Variants in PAK5 observed in about 807,000 individuals in gnomAD.
PAK5 encodes the protein p21 (RAC1) activated kinase 5.
In PAK5, 16 loss-of-function variants were observed where a neutral mutation model predicts 65.9. The ratio of observed to expected loss-of-function variants is 0.24; its 90% CI spans 0.16 to 0.37. The LOEUF (loss-of-function observed/expected upper bound fraction) is 0.37, where lower values mean the gene tolerates loss of function less well. Ranked by LOEUF, PAK5 falls within the 10% of genes least tolerant of loss-of-function variation. The pLI, the probability that PAK5 is intolerant of heterozygous loss-of-function variation, is 1.00. For missense variants in PAK5, 785 were observed against 903.9 expected (o/e 0.87, Z 1.69); for synonymous variants, 371 against 354.9 (o/e 1.05, Z -0.51).
At chr20:9,600,875 A>T (rs567304673) in intron 3 of PAK5, among the ~76,000 whole-genome samples, 2 of 152,288 alleles carry the variant, frequency 1.3e-5, no homozygotes, top group African/African-American at 4.8e-5. Flanking sequence ...GCATGGCTCA[A>T]AGGACCTTCT....
At chr20:9,643,409 T>C (rs1157710979) in intron 3 of PAK5, among the ~76,000 whole-genome samples, 8 of 152,338 alleles carry the variant, frequency 5.3e-5, no homozygotes, top group Non-Finnish European at 1.2e-4. Flanking sequence ...TGGGTCTGCT[T>C]TCTGCTTACA....
At chr20:9,746,869 C>A (rs2048514219) in intron 1 of PAK5, among the ~76,000 whole-genome samples, 1 of 151,996 alleles carries the variant, frequency 6.6e-6, no homozygotes, top group Non-Finnish European at 1.5e-5. Flanking sequence ...ACACGAAAAA[C>A]CCTTCAAAAA....
At chr20:9,733,105 G>A (rs2048351226) in intron 1 of PAK5, among the ~76,000 whole-genome samples, 1 of 152,144 alleles carries the variant, frequency 6.6e-6, no homozygotes, top group South Asian at 2.1e-4. Flanking sequence ...ACTGGCTAGG[G>A]ACTGGATAGT....
chr20:9,653,156 T>C (rs2047222723), intron 2 of PAK5, among the ~76,000 whole-genome samples: 1 of 152,182 alleles, frequency 6.6e-6, no homozygotes, highest in African/African-American at 2.4e-5. Flanking sequence ...TTTAAATTTA[T>C]TCATTTCCAC....
chr20:9,762,095 C>A (rs553903072), intron 1 of PAK5, among the ~76,000 whole-genome samples: 1 of 152,146 alleles, frequency 6.6e-6, no homozygotes, highest in South Asian at 2.1e-4. Flanking sequence ...TTCTCTTACA[C>A]CACACACAAA....
intron 1 of PAK5, among the ~76,000 whole-genome samples, chr20:9,777,764 T>C (rs2048901793): frequency 1.3e-5 from 2 of 152,228 alleles, no homozygotes; most frequent in Admixed American, 1.3e-4. Flanking sequence ...GCATGGGCTA[T>C]GCCAGGGTCA....
intron 1 of PAK5, among the ~76,000 whole-genome samples, chr20:9,796,609 G>A (rs1432862558): frequency 6.6e-6 from 1 of 152,040 alleles, no homozygotes; most frequent in African/African-American, 2.4e-5. Flanking sequence ...ATTTTTGAAC[G>A]ATCACTCTTA....
chr20:9,809,972 C>T (rs1222631790), intron 1 of PAK5, among the ~76,000 whole-genome samples: 4 of 152,192 alleles, frequency 2.6e-5, no homozygotes, highest in East Asian at 1.9e-4. Flanking sequence ...ATTTTCCTAA[C>T]GCCGAAGCTC....
intron 1 of PAK5, among the ~76,000 whole-genome samples, chr20:9,787,619 ATGTG>A (rs3061911): frequency 0.14 from 21,215 of 146,390 alleles, 1,574 homozygotes; most frequent in East Asian, 0.27. Context: ...TATGAAAAGG[ATGTG>A]TGTGTGTGTG....
chr20:9,743,584 C>A (rs927114732), intron 1 of PAK5, among the ~76,000 whole-genome samples: 2 of 152,120 alleles, frequency 1.3e-5, no homozygotes, highest in African/African-American at 4.8e-5. Context: ...ATCAGAGGTG[C>A]AAGGCCCCTT....
chr20:9,674,675 C>T (rs1374145373), intron 2 of PAK5, among the ~76,000 whole-genome samples: 2 of 152,088 alleles, frequency 1.3e-5, no homozygotes, highest in African/African-American at 2.4e-5. Context: ...TTTAAATGCT[C>T]GAGATTTATT....
In PAK5 at chr20:9,664,611, A is replaced by C. The variant is rs189378079; in HGVS notation, c.-11-20272T>G. Among the ~76,000 whole-genome samples, 435 of 152,308 alleles carry C rather than the reference A, an allele frequency of 2.9e-3. 2 individuals carry two copies. Among genetic ancestry groups the C allele is most frequent in the African/African-American group, 9.8e-3 (406 of 41,578 alleles). On this transcript the variant is annotated intron_variant, in intron 2 of 9. Transcript: ENST00000353224. ...AACATCATTTCGTTTTTATAAAATA[A>C]CCAAGAGATTTGCTGCTGCTGTGGT...
intron 3 of PAK5, among the ~76,000 whole-genome samples, chr20:9,639,358 C>T (rs1006275804): frequency 1.3e-5 from 2 of 152,178 alleles, no homozygotes; most frequent in African/African-American, 4.8e-5. Flanking sequence ...CATATTTACA[C>T]TCATATTTGG....
Position 9,761,282 on chromosome 20 carries a change from T to G in PAK5, c.-161-49847A>C, listed in dbSNP as rs376378044. Among the ~76,000 whole-genome samples, 6 of 152,334 alleles carry G rather than the reference T, an allele frequency of 3.9e-5. No homozygotes were observed. The East Asian group carries it at 1.2e-3, about 29-fold the overall frequency. On this transcript the variant is annotated intron_variant, in intron 1 of 9. Transcript: ENST00000353224. ...CTCTGCTTCTGGGTGGGCTCTTTCC[T>G]GTGTTACAGGCCCGTTTAGAATCAG...
At position 9,826,697 on chromosome 20, in the gene PAK5, C is replaced by T. The variant is rs149907780; in HGVS notation, c.-162+12065G>A. 1.5e-4 allele frequency among the ~76,000 whole-genome samples: 23 copies of T among 152,296 alleles called. No homozygotes were observed. The East Asian group carries it at 4.4e-3, about 29-fold the overall frequency. ...CGCTTTGATTTATTTCTCTCCCAAA[C>T]TTTCGATTTCTTCCTCATTTTATAG... is the stretch of plus-strand genomic sequence containing the variant. On this transcript the variant is annotated intron_variant, in intron 1 of 9. Transcript: ENST00000353224.
intron 3 of PAK5, among the ~76,000 whole-genome samples, chr20:9,601,586 C>T (rs891376341): frequency 3.9e-5 from 6 of 152,164 alleles, no homozygotes; most frequent in Non-Finnish European, 7.3e-5. Flanking sequence ...ATTCTTCCCT[C>T]CTTCCCTGTG....
At chr20:9,590,589 C>T (rs1418162895) in intron 3 of PAK5, among the ~76,000 whole-genome samples, 2 of 150,162 alleles carry the variant, frequency 1.3e-5, no homozygotes, top group Non-Finnish European at 3.0e-5. Context: ...GGAGGGAAAA[C>T]TCTGCTAGTA....
intron 1 of PAK5, among the ~76,000 whole-genome samples, chr20:9,722,342 G>A (rs2048225020): frequency 2.0e-5 from 3 of 152,024 alleles, no homozygotes; most frequent in East Asian, 1.9e-4. Context: ...AGGCAAGGCC[G>A]GGCGTCGTGG....
intron 1 of PAK5, among the ~76,000 whole-genome samples, chr20:9,786,959 C>A (rs1037973660): frequency 1.3e-5 from 2 of 152,048 alleles, no homozygotes; most frequent in African/African-American, 4.8e-5. Flanking sequence ...TTAAAATAGG[C>A]TAATAGGTAC....
Sources: allele counts gnomAD v4.1 joint callset (sites outside exome capture counted in the v4.1 genomes callset), GRCh38; gene constraint gnomAD v4.1.1; transcripts MANE v1.5; gene names NCBI Gene and HGNC (gene_info 2026-07-23, HGNC 2026-07-21).